APBB1IP: variants seen among roughly 807,000 people sequenced by gnomAD.
APBB1IP encodes the protein amyloid beta precursor protein binding family B member 1 interacting protein.
APBB1IP carries 27 observed loss-of-function variants against 64.9 expected under a neutral mutation model. The observed-to-expected ratio is 0.42, with a 90% CI of 0.31 to 0.57. The LOEUF is 0.57. Among genes scored for constraint, APBB1IP ranks in the 20% least tolerant of loss-of-function variants. APBB1IP has a pLI of 0.20. For missense variants in APBB1IP, 812 were observed against 845.5 expected (o/e 0.96, Z 0.49); for synonymous variants, 392 against 331.0 (o/e 1.18, Z -2.00).
chr10:26,497,039 A>T (rs1775248), intron 4 of APBB1IP, among the ~76,000 whole-genome samples: 30,725 of 151,772 alleles, frequency 0.2, 3,210 homozygotes, highest in East Asian at 0.32. Flanking sequence ...AGTAAAAAAT[A>T]AAAAAATTAG....
intron 4 of APBB1IP, among the ~76,000 whole-genome samples, chr10:26,497,650 G>A (rs960828237): frequency 1.3e-5 from 2 of 151,000 alleles, no homozygotes; most frequent in African/African-American, 2.4e-5. Context: ...TACCAAAAAT[G>A]TGAAAAGCAA....
chr10:26,562,253 T>G, intron 13 of APBB1IP, 73 bp from the exon 14 acceptor site: 1 of 1,152,920 alleles, frequency 8.7e-7, no homozygotes, highest in Non-Finnish European at 1.3e-6. Flanking sequence ...AACTGCTTTG[T>G]ATTTTCAGAT....
At chr10:26,468,181 C>T (rs1202037117) in intron 2 of APBB1IP, among the ~76,000 whole-genome samples, 2 of 152,308 alleles carry the variant, frequency 1.3e-5, no homozygotes, top group South Asian at 2.1e-4. Context: ...GCTAACTTCT[C>T]CCCATCCTCT....
Position 26,498,805 on chromosome 10 carries a change from T to A in APBB1IP, c.161-2014T>A, listed in dbSNP as rs144050889. Among the ~76,000 whole-genome samples, 296 of 152,294 alleles carry A rather than the reference T, an allele frequency of 1.9e-3. 1 individual carries two copies. The highest frequency in any genetic ancestry group is 0.012 in the East Asian group (63 of 5,180). On this transcript the variant is annotated intron_variant, in intron 4 of 14. Coordinates refer to ENST00000376236, the MANE Select transcript of APBB1IP (RefSeq NM_019043.4). ...TTACACTACAGTAATAAGACACTCT[T>A]CTCATTAAGGAATCAAGATATACAC...
chr10:26,566,552 C>A lies in APBB1IP; in HGVS notation c.1474-409C>A, dbSNP rs543841220. On this transcript the variant is annotated intron_variant, in intron 14 of 14. Coordinates refer to ENST00000376236, the MANE Select transcript of APBB1IP (RefSeq NM_019043.4). Reference sequence around the variant, plus strand: ...TATAGGCATGAGCCACCATGCCCAGCCAAAATATTAAAAAATTAGAAAAAT... The same window carrying A: ...TATAGGCATGAGCCACCATGCCCAGACAAAATATTAAAAAATTAGAAAAAT... Among the ~76,000 whole-genome samples, 15 of 152,088 alleles carry A rather than the reference C, an allele frequency of 9.9e-5. No homozygotes were observed. The East Asian group carries it at 2.7e-3, about 27-fold the overall frequency.
chr10:26,564,804 A>AAAAAATAAAAAT (rs200555047), intron 14 of APBB1IP, among the ~76,000 whole-genome samples: 1 of 152,008 alleles, frequency 6.6e-6, no homozygotes, highest in African/African-American at 2.4e-5. Flanking sequence ...CTCTGCCTCA[A>AAAAAATAAAAAT]AAAAATAAAA....
chr10:26,443,252 T>C (rs1264652832), intron 2 of APBB1IP, among the ~76,000 whole-genome samples: 1 of 151,860 alleles, frequency 6.6e-6, no homozygotes, highest in Non-Finnish European at 1.5e-5. Flanking sequence ...TGAAACACTG[T>C]CTTTACTAAA....
At chr10:26,538,560 G>A (rs1836657835) in intron 10 of APBB1IP, among the ~76,000 whole-genome samples, 1 of 150,774 alleles carries the variant, frequency 6.6e-6, no homozygotes, top group African/African-American at 2.4e-5. Context: ...AGAATTGCTT[G>A]AACCCAGGAG....
intron 11 of APBB1IP, among the ~76,000 whole-genome samples, chr10:26,544,590 G>GCAGGAGCCAAACCCCAGGGCTGGGGTC (rs1836737288): frequency 6.6e-6 from 1 of 152,164 alleles, no homozygotes; most frequent in African/African-American, 2.4e-5. Context: ...GCAGAAGGAA[G>GCAGGAGCCAAACCCCAGGGCTGGGGTC]CAGGAGCCAA....
intron 2 of APBB1IP, among the ~76,000 whole-genome samples, chr10:26,471,969 C>T (rs1240477743): frequency 1.3e-5 from 2 of 152,148 alleles, no homozygotes; most frequent in Non-Finnish European, 2.9e-5. Flanking sequence ...AGGCGTGAGC[C>T]ACTGTGCCCG....
At chr10:26,541,089 C>A (rs183002557) in intron 10 of APBB1IP, among the ~76,000 whole-genome samples, 1 of 152,164 alleles carries the variant, frequency 6.6e-6, no homozygotes, top group African/African-American at 2.4e-5. Flanking sequence ...AGTCCCCAGA[C>A]AGGCATTAGA....
rs76236870 is a variant in APBB1IP, at chr10:26,555,368, C to T, written c.1156-4737C>T. 3.3e-5 allele frequency among the ~76,000 whole-genome samples: 5 copies of T among 152,288 alleles called. No individual in the cohort carries two copies. The East Asian group carries it at 5.8e-4, about 18-fold the overall frequency. ...CTTCTTCATTCCATGGTTTCCAGAC[C>T]TCAGCCATACAGAATTTCTCCATGT... On this transcript the variant is annotated intron_variant, in intron 11 of 14. Transcript: ENST00000376236.
chr10:26,484,434 C>G (rs1286715087), intron 2 of APBB1IP, among the ~76,000 whole-genome samples: 2 of 152,148 alleles, frequency 1.3e-5, no homozygotes, highest in African/African-American at 4.8e-5. Context: ...TCCCAAGTAG[C>G]TGGGATTATA....
intron 2 of APBB1IP, among the ~76,000 whole-genome samples, chr10:26,454,756 AG>A (rs1835503643): frequency 6.6e-6 from 1 of 152,240 alleles, no homozygotes; most frequent in Admixed American, 6.5e-5. Flanking sequence ...TAAATGCTGG[AG>A]GGGACGGATA....
chr10:26,544,686 G>A (rs1254434628), intron 11 of APBB1IP, among the ~76,000 whole-genome samples: 8 of 152,174 alleles, frequency 5.3e-5, no homozygotes, highest in African/African-American at 1.9e-4. Context: ...CCAGCATGGG[G>A]ATTTAGACAC....
intron 4 of APBB1IP, among the ~76,000 whole-genome samples, chr10:26,497,420 A>G (rs988268084): frequency 4.6e-5 from 7 of 151,790 alleles, no homozygotes; most frequent in South Asian, 2.1e-4. Context: ...GTGTGGTGGC[A>G]GGTGCCTGTA....
intron 2 of APBB1IP, among the ~76,000 whole-genome samples, chr10:26,487,197 G>GTT (rs34387177): frequency 9.6e-4 from 129 of 134,138 alleles, no homozygotes; most frequent in African/African-American, 3.1e-3. Flanking sequence ...AGGGCTGGGT[G>GTT]TTTTTTTTTT....
At position 26,560,057 on chromosome 10, in the gene APBB1IP, C is replaced by G. The variant is rs546547184; in HGVS notation, c.1156-48C>G. 8 of 1,518,154 alleles carry G rather than the reference C, an allele frequency of 5.3e-6. No individual in the cohort carries two copies. The East Asian group carries it at 1.1e-4, about 21-fold the overall frequency. The allele number at this position is 1,518,154 out of a possible 1,614,324, so 94.0% of individuals were successfully genotyped here. A position where few individuals can be genotyped will look rare whatever the true frequency, so the allele number is the denominator to read the frequency against. ...ATTTCCTGACAGGTGCTTTGACCTC[C>G]TAATACATGACAAGTGAATACATTG... On this transcript the variant is annotated intron_variant, in intron 11 of 14. Transcript: ENST00000376236.
At chr10:26,488,528 C>T (rs929563534) in intron 2 of APBB1IP, among the ~76,000 whole-genome samples, 6 of 152,092 alleles carry the variant, frequency 3.9e-5, no homozygotes, top group Admixed American at 3.3e-4. Flanking sequence ...TCACCATGCC[C>T]AGCCTTGTAG....
Sources: allele counts gnomAD v4.1 joint callset (sites outside exome capture counted in the v4.1 genomes callset), GRCh38; gene constraint gnomAD v4.1.1; transcripts MANE v1.5; gene names NCBI Gene and HGNC (gene_info 2026-07-23, HGNC 2026-07-21).